Variants in CSMD3 observed in about 807,000 individuals in gnomAD.
The protein encoded by CSMD3 is CUB and sushi domain-containing protein 3.
Under a neutral mutation model 435.2 loss-of-function variants are expected in CSMD3, and 177 were observed. The ratio of observed to expected loss-of-function variants is 0.41; its 90% CI spans 0.36 to 0.46. The LOEUF (loss-of-function observed/expected upper bound fraction) is 0.46. CSMD3 is among the 20% of genes least tolerant of loss of function. CSMD3 has a pLI of 0.34. For synonymous variants in CSMD3, 1,656 were observed against 1,520.5 expected (o/e 1.09, Z -2.07); for missense variants, 4,265 against 4,504.6 (o/e 0.95, Z 1.52).
At chr8:113,195,733 ATC>A (rs1219878325) in intron 3 of CSMD3, among the ~76,000 whole-genome samples, 3 of 147,250 alleles carry the variant, frequency 2.0e-5, no homozygotes, top group Non-Finnish European at 4.5e-5. Context: ...CTATAACTAT[ATC>A]TCTATCTATT....
intron 10 of CSMD3, among the ~76,000 whole-genome samples, chr8:112,894,104 T>A (rs528597884): frequency 1.3e-5 from 2 of 151,554 alleles, no homozygotes; most frequent in East Asian, 3.9e-4. Context: ...ATATCAAACT[T>A]GGGTTTGTTT....
At chr8:113,142,622 G>T (rs777547875) in intron 4 of CSMD3, among the ~76,000 whole-genome samples, 5 of 151,266 alleles carry the variant, frequency 3.3e-5, no homozygotes, top group Non-Finnish European at 5.9e-5. Flanking sequence ...AGCTGGGGAA[G>T]TAGAGATGGT....
chr8:113,229,394 A>T (rs932882259), intron 3 of CSMD3, among the ~76,000 whole-genome samples: 1 of 151,650 alleles, frequency 6.6e-6, no homozygotes, highest in Non-Finnish European at 1.5e-5. Context: ...TGCTTAAATA[A>T]ACAAGTTTCA....
intron 5 of CSMD3, among the ~76,000 whole-genome samples, chr8:113,052,962 T>C (rs2088162026): frequency 6.6e-6 from 1 of 152,202 alleles, no homozygotes; most frequent in Non-Finnish European, 1.5e-5. Flanking sequence ...CTAAATAACA[T>C]TATTTGTGCT....
chr8:112,756,994 C>G (rs926713211), intron 13 of CSMD3, among the ~76,000 whole-genome samples: 1 of 152,048 alleles, frequency 6.6e-6, no homozygotes. Context: ...GTCTCAAACT[C>G]CCAACCCCAA....
At chr8:112,482,643 G>T (rs1368159370) in intron 31 of CSMD3, among the ~76,000 whole-genome samples, 1 of 152,138 alleles carries the variant, frequency 6.6e-6, no homozygotes, top group Non-Finnish European at 1.5e-5. Context: ...AACTAAAATA[G>T]CTTTTTATCA....
At chr8:112,482,170 C>T (rs558844326) in intron 31 of CSMD3, among the ~76,000 whole-genome samples, 2 of 152,262 alleles carry the variant, frequency 1.3e-5, no homozygotes, top group East Asian at 3.9e-4. Context: ...ACCTTCATCC[C>T]TCAGTGCTCT....
chr8:112,563,685 A>G (rs1018492492), intron 24 of CSMD3, among the ~76,000 whole-genome samples: 2 of 152,000 alleles, frequency 1.3e-5, no homozygotes, highest in Non-Finnish European at 2.9e-5. Context: ...CAGAAATTGA[A>G]TTTTATTAGA....
chr8:113,362,647 T>A (rs2094285025), intron 1 of CSMD3, among the ~76,000 whole-genome samples: 1 of 152,168 alleles, frequency 6.6e-6, no homozygotes, highest in Admixed American at 6.5e-5. Context: ...TTCCCTTTTC[T>A]CAGTTTTGTG....
intron 5 of CSMD3, among the ~76,000 whole-genome samples, chr8:113,038,990 T>C (rs1338427242): frequency 1.3e-5 from 2 of 152,130 alleles, no homozygotes; most frequent in Admixed American, 6.5e-5. Flanking sequence ...CCAGATATAA[T>C]TTTTGTCCCT....
At chr8:112,295,615 AAATTT>A (rs1820183531) in intron 54 of CSMD3, among the ~76,000 whole-genome samples, 2 of 151,898 alleles carry the variant, frequency 1.3e-5, no homozygotes, top group South Asian at 2.1e-4. Flanking sequence ...GAGAAGAGCT[AAATTT>A]AATTTATTAT....
intron 13 of CSMD3, among the ~76,000 whole-genome samples, chr8:112,692,879 T>A (rs570511126): frequency 6.6e-6 from 1 of 152,178 alleles, no homozygotes; most frequent in East Asian, 1.9e-4. Context: ...TTGTTATCAA[T>A]CTCTTTCTGT....
intron 13 of CSMD3, among the ~76,000 whole-genome samples, chr8:112,733,161 AT>A (rs2077112440): frequency 6.6e-6 from 1 of 152,140 alleles, no homozygotes; most frequent in Non-Finnish European, 1.5e-5. Flanking sequence ...ATTATGCCTA[AT>A]AAAATAATAA....
chr8:112,476,504 A>C (rs1212175188), intron 31 of CSMD3, among the ~76,000 whole-genome samples: 3 of 152,190 alleles, frequency 2.0e-5, no homozygotes, highest in East Asian at 3.8e-4. Context: ...TTGACCATGA[A>C]AAATTTTTTT....
chr8:112,733,590 A>G (rs918257565), intron 13 of CSMD3, among the ~76,000 whole-genome samples: 3 of 152,048 alleles, frequency 2.0e-5, no homozygotes, highest in African/African-American at 7.2e-5. Flanking sequence ...GTAATTTGTA[A>G]GTTAGATAGT....
chr8:113,238,282 T>C (rs1418566848), intron 3 of CSMD3, among the ~76,000 whole-genome samples: 1 of 152,142 alleles, frequency 6.6e-6, no homozygotes, highest in African/African-American at 2.4e-5. Flanking sequence ...AAGGGATACC[T>C]TATGAATGAA....
intron 25 of CSMD3, among the ~76,000 whole-genome samples, chr8:112,556,140 C>T (rs1482905268): frequency 2.0e-5 from 3 of 151,950 alleles, no homozygotes; most frequent in African/African-American, 7.2e-5. Context: ...CTATCCACAC[C>T]TGTCAATATT....
intron 4 of CSMD3, among the ~76,000 whole-genome samples, chr8:113,168,534 A>AAAAAAAAC (rs2092203906): frequency 1.3e-5 from 2 of 148,698 alleles, no homozygotes; most frequent in East Asian, 3.9e-4. Context: ...AAAAAAAAAA[A>AAAAAAAAC]AAAAAAAAAA....
At chr8:113,204,856 G>C (rs995132839) in intron 3 of CSMD3, among the ~76,000 whole-genome samples, 4 of 152,072 alleles carry the variant, frequency 2.6e-5, no homozygotes, top group Non-Finnish European at 5.9e-5. Flanking sequence ...AAAGAAAGAC[G>C]TTTAATTGGA....
Sources: gnomAD v4.1 joint callset for allele counts (sites outside exome capture counted in the v4.1 genomes callset) on GRCh38, gnomAD v4.1.1 for gene constraint, MANE v1.5 for transcripts, NCBI Gene and HGNC (gene_info 2026-07-23, HGNC 2026-07-21) for gene names.